SLC30A5: variants seen among roughly 807,000 people sequenced by gnomAD.
SLC30A5 encodes solute carrier family 30 member 5, also known as proton-coupled zinc antiporter SLC30A5.
In SLC30A5, 33 loss-of-function variants were observed where a neutral mutation model predicts 79.6. The observed-to-expected ratio is 0.41, with a 90% CI of 0.31 to 0.55. The LOEUF is 0.55. SLC30A5 is among the 20% of genes least tolerant of loss of function. The probability of loss-of-function intolerance (pLI) is 0.20; values close to 1 mark genes in which losing one functional copy is unlikely to be tolerated. For missense variants in SLC30A5, 788 were observed against 928.1 expected (o/e 0.85, Z 1.96); for synonymous variants, 299 against 319.7 (o/e 0.94, Z 0.69).
At chr5:69,104,462 G>A (rs908132844) in intron 3 of SLC30A5, 169 bp from the exon 4 acceptor site, 5 of 1,368,394 alleles carry the variant, frequency 3.7e-6, no homozygotes, top group African/African-American at 1.5e-5. Context: ...ATACTGTCTT[G>A]GAAATCTAGA....
Position 69,118,629 on chromosome 5 carries a change from G to A in SLC30A5, c.1569+1G>A. ...AGAATTAGACACTCACATGTTAACA[G>A]TAAGTCTTTTTATTTTCCTATTTGG... On this transcript the variant is annotated splice_donor_variant, in intron 12 of 15. Coordinates refer to ENST00000396591, the MANE Select transcript of SLC30A5 (RefSeq NM_022902.5). LOFTEE classifies it high-confidence loss of function. 6.4e-7 allele frequency: 1 copy of A among 1,566,642 alleles called. No homozygotes were observed. The highest frequency in any genetic ancestry group is 1.2e-5 in the South Asian group (1 of 81,318).
At chr5:69,104,112 A>G in intron 3 of SLC30A5, 2 of 1,451,684 alleles carry the variant, frequency 1.4e-6, no homozygotes, top group South Asian at 2.7e-5. Flanking sequence ...AATATAGATA[A>G]TGGAAAACAG....
intron 11 of SLC30A5, 115 bp downstream of exon 11, chr5:69,117,511 A>T: frequency 2.2e-6 from 2 of 916,772 alleles, no homozygotes; most frequent in South Asian, 1.9e-5. Context: ...CTTCATTTTT[A>T]AAAAATGTGA....
intron 4 of SLC30A5, among the ~76,000 whole-genome samples, chr5:69,105,652 C>T (rs553468747): frequency 2.3e-4 from 33 of 145,934 alleles, no homozygotes; most frequent in East Asian, 1.6e-3. Context: ...AGCGAGACTC[C>T]GTCTCAAAAA....
chr5:69,113,188 T>C lies in SLC30A5; in HGVS notation c.496T>C (p.Phe166Leu), dbSNP rs570626328. ...FIIAVICLLL[F>L]DNDDLMAKMA... Reference sequence around the variant, plus strand: ...TATTGCTGTGATCTGTTTATTGCTTTTTGACAATGATGATCTCATGGCTAA... The same window carrying C: ...TATTGCTGTGATCTGTTTATTGCTTCTTGACAATGATGATCTCATGGCTAA... The change falls in exon 6 of 16, where the codon TTT (phenylalanine) becomes CTT (leucine). Residue 166 changes from phenylalanine to leucine, a missense_variant. Physicochemically the swap from Phe to Leu is conservative, Grantham distance 22. Transcript: ENST00000396591. 35 of 1,613,554 alleles carry C rather than the reference T, an allele frequency of 2.2e-5. No homozygotes were observed. The highest frequency in any genetic ancestry group is 2.9e-5 in the Non-Finnish European group (34 of 1,179,862).
At chr5:69,113,353 T>C in intron 6 of SLC30A5, 126 bp downstream of exon 6, 1 of 637,202 alleles carries the variant, frequency 1.6e-6, no homozygotes, top group Non-Finnish European at 2.6e-6. Flanking sequence ...CATAGATTAA[T>C]GTAGATATTC....
rs776757760 is a variant in SLC30A5 at position 69,129,623 on chromosome 5, C to T, written c.*6C>T. On this transcript the variant is annotated 3_prime_UTR_variant, in exon 16 of 16. Transcript: ENST00000396591. ...ATGGTACTTACATCATGTGAGATAACTCAAGAATTACCCCTGGAGAATAAA... is the reference window on the plus strand; with the variant it reads ...ATGGTACTTACATCATGTGAGATAATTCAAGAATTACCCCTGGAGAATAAA... 1.8e-5 allele frequency: 29 copies of T among 1,598,964 alleles called. No individual in the cohort carries two copies. The highest frequency in any genetic ancestry group is 2.2e-5 in the Non-Finnish European group (26 of 1,173,086).
At chr5:69,110,709 G>A (rs552648672) in intron 5 of SLC30A5, among the ~76,000 whole-genome samples, 2 of 152,182 alleles carry the variant, frequency 1.3e-5, no homozygotes, top group South Asian at 2.1e-4. Flanking sequence ...TAAACTTAAC[G>A]TATAACAGAA....
chr5:69,098,382 C>T (rs1745808290), intron 1 of SLC30A5, among the ~76,000 whole-genome samples: 1 of 152,098 alleles, frequency 6.6e-6, no homozygotes, highest in African/African-American at 2.4e-5. Flanking sequence ...AAAAATTAGC[C>T]TGACATGGTG....
Position 69,100,855 on chromosome 5 carries a change from T to C in SLC30A5, c.132T>C (p.Ala44=). 6.2e-7 allele frequency: 1 copy of C among 1,608,558 alleles called. No individual in the cohort carries two copies. The highest frequency in any genetic ancestry group is 8.5e-7 in the Non-Finnish European group (1 of 1,175,860). ...VLLCFTKFLK[A]VGLFESYDLL... is the part of the protein sequence containing the mutation. Reference sequence around the variant, plus strand: ...TATGTTTCACTAAATTTTTGAAGGCTGTGGGACTTTTCGAATCATATGATC... The same window carrying C: ...TATGTTTCACTAAATTTTTGAAGGCCGTGGGACTTTTCGAATCATATGATC... The change falls in exon 2 of 16, where the codon GCT becomes GCC. Residue 44 remains alanine (A), a synonymous_variant. Coordinates refer to ENST00000396591, the MANE Select transcript of SLC30A5 (RefSeq NM_022902.5).
chr5:69,110,895 T>A (rs1478300906), intron 5 of SLC30A5, among the ~76,000 whole-genome samples: 6 of 150,712 alleles, frequency 4.0e-5, no homozygotes, highest in Non-Finnish European at 7.4e-5. Flanking sequence ...TGAAAACATT[T>A]AAAAAAAAAG....
intron 14 of SLC30A5, among the ~76,000 whole-genome samples, chr5:69,123,859 T>C (rs906049129): frequency 6.6e-6 from 1 of 152,132 alleles, no homozygotes; most frequent in Non-Finnish European, 1.5e-5. Context: ...AGGATCCTAC[T>C]TTGCAATTAT....
chr5:69,100,979 TC>T, intron 2 of SLC30A5, 50 bp downstream of exon 2: 1 of 1,509,652 alleles, frequency 6.6e-7, no homozygotes, highest in Non-Finnish European at 8.9e-7. Context: ...TCTTTGAAAA[TC>T]CTGTTTTAAC....
intron 14 of SLC30A5, among the ~76,000 whole-genome samples, 174 bp from the exon 15 acceptor site, chr5:69,127,830 C>T (rs1336464557): frequency 6.6e-6 from 1 of 152,044 alleles, no homozygotes; most frequent in African/African-American, 2.4e-5. Context: ...TTCCTTCCTG[C>T]TTCTGGCTTC....
chr5:69,127,990 CTTTTA>C lies in SLC30A5; in HGVS notation c.1999-10_1999-6del, dbSNP rs1330156640. 6.2e-7 allele frequency: 1 copy of C among 1,604,028 alleles called. No individual in the cohort carries two copies. The highest frequency in any genetic ancestry group is 2.2e-5 in the East Asian group (1 of 44,570). On this transcript the variant is annotated splice_polypyrimidine_tract_variant and intron_variant, in intron 14 of 15. Transcript: ENST00000396591. ...GCCTGTATGACCATTTATATCACCT[CTTTTA>C]TTTGACAGATACAGAAAATTGAAGG...
chr5:69,108,579 T>C (rs941524295), intron 5 of SLC30A5, 143 bp downstream of exon 5: 2 of 712,730 alleles, frequency 2.8e-6, no homozygotes, highest in Non-Finnish European at 4.9e-6. Flanking sequence ...CCCAACACTG[T>C]GGGAGGCTGA....
At chr5:69,128,277 G>C (rs1426249655) in intron 15 of SLC30A5, 145 bp downstream of exon 15, 2 of 527,030 alleles carry the variant, frequency 3.8e-6, no homozygotes, top group African/African-American at 2.4e-5. Context: ...TTTGAGACAG[G>C]GTCTCACTCT....
chr5:69,120,375 C>T (rs1045763264), intron 12 of SLC30A5, among the ~76,000 whole-genome samples: 1 of 144,558 alleles, frequency 6.9e-6, no homozygotes, highest in Non-Finnish European at 1.5e-5. Context: ...CAGAGCAAAA[C>T]TCTGTCTCAA....
intron 3 of SLC30A5, chr5:69,104,226 C>A: frequency 1.4e-6 from 1 of 719,534 alleles, no homozygotes; most frequent in Non-Finnish European, 2.0e-6. Context: ...CAACCTCTGC[C>A]TCCCGGGTTC....
Sources: allele counts gnomAD v4.1 joint callset (sites outside exome capture counted in the v4.1 genomes callset), GRCh38; gene constraint gnomAD v4.1.1; transcripts MANE v1.5; gene names NCBI Gene and HGNC (gene_info 2026-07-23, HGNC 2026-07-21).